DAGLB: variants seen among roughly 807,000 people sequenced by gnomAD.
DAGLB encodes diacylglycerol lipase-beta.
Under a neutral mutation model 72.1 loss-of-function variants are expected in DAGLB, and 66 were observed. That is an observed-to-expected ratio of 0.92 (90% CI 0.75 to 1.12). The LOEUF (loss-of-function observed/expected upper bound fraction) is 1.12, where lower values mean the gene tolerates loss of function less well. DAGLB is among the 50% of genes most tolerant of loss of function. DAGLB has a pLI of 0.00. For missense variants in DAGLB, 1,065 were observed against 884.9 expected (o/e 1.20, Z -2.58); for synonymous variants, 414 against 359.5 (o/e 1.15, Z -1.71).
chr7:6,410,878 G>GTTTTTT (rs1562476598), intron 13 of DAGLB, among the ~76,000 whole-genome samples: 3 of 112,766 alleles, frequency 2.7e-5, no homozygotes, highest in African/African-American at 1.1e-4. Context: ...CTAATTTTTT[G>GTTTTTT]TATTTTTTTT....
chr7:6,423,127 C>T (rs569343313), intron 8 of DAGLB, among the ~76,000 whole-genome samples: 4 of 152,270 alleles, frequency 2.6e-5, no homozygotes, highest in African/African-American at 9.6e-5. Context: ...TGGCACATGC[C>T]TGTATTCCCA....
chr7:6,431,497 T>G (rs1399618357), intron 5 of DAGLB, among the ~76,000 whole-genome samples: 1 of 152,184 alleles, frequency 6.6e-6, no homozygotes, highest in Non-Finnish European at 1.5e-5. Flanking sequence ...TGTGGCCGGA[T>G]GCAGTGGCTC....
At chr7:6,426,216 G>A (rs1438993555) in intron 6 of DAGLB, 102 bp from the exon 7 acceptor site, 1 of 1,537,786 alleles carries the variant, frequency 6.5e-7, no homozygotes, top group East Asian at 2.3e-5. Context: ...GACCAGAGCG[G>A]ACAATTCTCA....
In DAGLB at chr7:6,430,489, C is replaced by T; in HGVS notation, c.920G>A (p.Gly307Asp). 1 of 1,562,214 alleles carries T rather than the reference C, an allele frequency of 6.4e-7. No homozygotes were observed. Among genetic ancestry groups the T allele is most frequent in the Non-Finnish European group, 8.7e-7 (1 of 1,148,106 alleles). ...RNPLTGLCRI[G>D]GDCCRSRTTD... is the part of the protein sequence containing the mutation. ...GACTGTGCCAACCCACCAGTCACCA[C>T]CAATCCTGCACAGCCCCGTGAGGGG... The change falls in exon 6 of 15, where the codon GGT (glycine) becomes GAT (aspartate). Residue 307 changes from glycine to aspartate, a missense_variant. By Grantham distance (94) the Gly-to-Asp change is moderately conservative. Transcript: ENST00000297056.
chr7:6,412,327 G>A (rs1285382479), intron 13 of DAGLB, among the ~76,000 whole-genome samples: 1 of 151,752 alleles, frequency 6.6e-6, no homozygotes, highest in Non-Finnish European at 1.5e-5. Context: ...TACCTCTTAA[G>A]GTCTATTTGG....
In DAGLB at chr7:6,410,021, G is replaced by GAGC; in HGVS notation, c.1832_1834dup (p.Cys611dup). On this transcript the variant is annotated inframe_insertion, in exon 15 of 15. Transcript: ENST00000297056. ...CCACTTGGCGCTATAGTGAGCAGCA[G>GAGC]AGCAGCAGCCAAACCTGAAGCAGAA... 6.2e-7 allele frequency: 1 copy of GAGC among 1,613,628 alleles called. No individual in the cohort carries two copies. Among genetic ancestry groups the GAGC allele is most frequent in the Non-Finnish European group, 8.5e-7 (1 of 1,179,696 alleles).
chr7:6,421,780 C>T lies in DAGLB; in HGVS notation c.1165G>A (p.Glu389Lys), dbSNP rs202169724. Reference sequence around the variant, plus strand: ...CACTCCACGTCCAGCACCTCACTCTCCGCTGACAGGTCCGTAAGGACATCC... The same window carrying T: ...CACTCCACGTCCAGCACCTCACTCTTCGCTGACAGGTCCGTAAGGACATCC... ...LQDVLTDLSA[E>K]SEVLDVECEV... The change falls in exon 9 of 15, where the codon GAG becomes AAG. Residue 389 changes from glutamate to lysine, a missense_variant. Transcript: ENST00000297056. 6.2e-7 allele frequency: 1 copy of T among 1,613,388 alleles called. No homozygotes were observed. Among genetic ancestry groups the T allele is most frequent in the East Asian group, 2.2e-5 (1 of 44,870 alleles).
At position 6,410,320 on chromosome 7, in the gene DAGLB, G is replaced by C. The variant is rs1783678397; in HGVS notation, c.1630C>G (p.Pro544Ala). The C allele has an allele frequency of 6.2e-7, 1 of 1,614,128 alleles. No individual in the cohort carries two copies. Among genetic ancestry groups the C allele is most frequent in the African/African-American group, 1.3e-5 (1 of 75,050 alleles). Residue 544 changes from proline (P) to alanine (A), a missense_variant, in exon 14 of 15, where the codon CCC becomes GCC. Coordinates refer to ENST00000297056, the MANE Select transcript of DAGLB (RefSeq NM_139179.4). ...TGGTCGCCCCCGTCCAGCTCCGTGG[G>C]CAAGTTGTTGGGGTTTCCTCCAAAC... is the stretch of plus-strand genomic sequence containing the variant. ...ELFGGNPNNL[P>A]TELDGGDQEV...
Position 6,436,479 on chromosome 7 carries a change from C to G in DAGLB, c.302G>C (p.Arg101Pro). 1 of 1,614,120 alleles carries G rather than the reference C, an allele frequency of 6.2e-7. No individual in the cohort carries two copies. Among genetic ancestry groups the G allele is most frequent in the South Asian group, 1.1e-5 (1 of 91,082 alleles). ...CATCTCTGGAAAAAACAGCGCCAGG[C>G]GGATGTAAAGCAGCTTAGACATAGA... The part of the protein sequence containing the change: ...RKSMSKLLYI[R>P]LALFFPEMVW... Residue 101 changes from arginine to proline, a missense_variant, in exon 3 of 15, where the codon CGC (arginine) becomes CCC (proline). Physicochemically the swap from Arg to Pro is moderately radical, Grantham distance 103. Coordinates refer to ENST00000297056, the MANE Select transcript of DAGLB (RefSeq NM_139179.4).
chr7:6,440,605 T>C (rs1784797573), intron 2 of DAGLB, among the ~76,000 whole-genome samples: 1 of 152,068 alleles, frequency 6.6e-6, no homozygotes, highest in African/African-American at 2.4e-5. Flanking sequence ...CAACAGAAGT[T>C]AGCTATGTCG....
intron 2 of DAGLB, among the ~76,000 whole-genome samples, chr7:6,443,362 A>G (rs1784897995): frequency 6.6e-6 from 1 of 151,896 alleles, no homozygotes; most frequent in East Asian, 1.9e-4. Context: ...CTGAGGCAGA[A>G]TTGTTTGAAT....
intron 11 of DAGLB, among the ~76,000 whole-genome samples, chr7:6,413,714 G>A (rs888939099): frequency 5.3e-5 from 8 of 151,548 alleles, no homozygotes; most frequent in South Asian, 2.1e-4. Flanking sequence ...AACCTGCACC[G>A]GCAGAGGCTG....
intron 13 of DAGLB, 133 bp downstream of exon 13, chr7:6,412,678 G>T: frequency 9.9e-7 from 1 of 1,012,142 alleles, no homozygotes; most frequent in Non-Finnish European, 1.5e-6. Flanking sequence ...AATCTGATCA[G>T]ATGGTGGAAG....
intron 2 of DAGLB, among the ~76,000 whole-genome samples, chr7:6,439,619 C>T (rs1784764843): frequency 6.6e-6 from 1 of 152,164 alleles, no homozygotes; most frequent in Admixed American, 6.6e-5. Flanking sequence ...CAATCAAAGC[C>T]ACACATGGCA....
chr7:6,446,167 G>T, intron 1 of DAGLB, 63 bp from the exon 2 acceptor site: 1 of 1,512,362 alleles, frequency 6.6e-7, no homozygotes. Flanking sequence ...TGTAGAACAT[G>T]ATACAAAGAA....
chr7:6,428,622 G>C (rs1784386433), intron 6 of DAGLB, among the ~76,000 whole-genome samples: 1 of 151,822 alleles, frequency 6.6e-6, no homozygotes, highest in African/African-American at 2.4e-5. Context: ...GAGTAGCTGT[G>C]ATTACAGGTG....
intron 1 of DAGLB, among the ~76,000 whole-genome samples, chr7:6,446,433 G>C (rs147296881): frequency 8.3e-6 from 1 of 121,204 alleles, no homozygotes; most frequent in Non-Finnish European, 1.6e-5. Flanking sequence ...AGCCGAGATC[G>C]TGTCACTGCA....
intron 6 of DAGLB, 142 bp from the exon 7 acceptor site, chr7:6,426,256 T>TTTA: frequency 8.3e-7 from 1 of 1,198,276 alleles, no homozygotes; most frequent in East Asian, 2.5e-5. Context: ...TGGAATGGCT[T>TTTA]TTTAAAACTT....
rs934741478 is a variant in DAGLB, at chr7:6,428,214, T to C, written c.930-2100A>G. Among the ~76,000 whole-genome samples, 3 of 146,832 alleles carry C rather than the reference T, an allele frequency of 2.0e-5. No individual in the cohort carries two copies. In the South Asian group the frequency reaches 6.4e-4, roughly 32 times the overall value. ...ACAAAAAACTAGCCGAGTATGGTGG[T>C]GCAGGCCTGTAATCCCAGCTACTCG... is the stretch of plus-strand genomic sequence containing the variant. On this transcript the variant is annotated intron_variant, in intron 6 of 14. Transcript: ENST00000297056.
Sources: allele counts gnomAD v4.1 joint callset (sites outside exome capture counted in the v4.1 genomes callset), GRCh38; gene constraint gnomAD v4.1.1; transcripts MANE v1.5; gene names NCBI Gene and HGNC (gene_info 2026-07-23, HGNC 2026-07-21).